Variants in TBC1D4 observed in about 807,000 individuals in gnomAD.
The protein encoded by TBC1D4 is TBC1 domain family member 4.
Under a neutral mutation model 142.5 loss-of-function variants are expected in TBC1D4, and 121 were observed. The ratio of observed to expected loss-of-function variants is 0.85; its 90% CI spans 0.73 to 0.99. The LOEUF is 0.99. Among genes scored for constraint, TBC1D4 ranks in the 50% least tolerant of loss-of-function variants. TBC1D4 has a pLI of 0.00. For synonymous variants in TBC1D4, 630 were observed against 628.2 expected, an observed-to-expected ratio of 1.00 and a Z score of -0.04; for missense variants, 1,475 against 1,606.6, an observed-to-expected ratio of 0.92 and a Z score of 1.40.
chr13:75,403,822 G>C (rs1406365872), intron 1 of TBC1D4, among the ~76,000 whole-genome samples: 1 of 152,104 alleles, frequency 6.6e-6, no homozygotes, highest in Non-Finnish European at 1.5e-5. Flanking sequence ...GCTCAAGTGG[G>C]ACAATTAATG....
rs369874464 is a variant in TBC1D4, at chr13:75,341,092, C to T, written c.1611+33G>A. ...AATTAACAAAATTATTAAACAACAACAAAAGTAGGTGAAGTAGGAAATATC... is the reference window on the plus strand; with the variant it reads ...AATTAACAAAATTATTAAACAACAATAAAAGTAGGTGAAGTAGGAAATATC... On this transcript the variant is annotated intron_variant, in intron 7 of 20. Transcript: ENST00000377636. The T allele has an allele frequency of 3.5e-5, 55 of 1,583,172 alleles. No individual in the cohort carries two copies. The Admixed American group carries it at 8.6e-4, about 25-fold the overall frequency.
intron 1 of TBC1D4, chr13:75,375,770 C>CG (rs1229488332): frequency 6.5e-5 from 8 of 123,534 alleles, no homozygotes; most frequent in East Asian, 2.1e-4. Context: ...TGCCCCACCC[C>CG]CCCCACACAC....
At chr13:75,430,315 A>G (rs985596027) in intron 1 of TBC1D4, among the ~76,000 whole-genome samples, 3 of 152,170 alleles carry the variant, frequency 2.0e-5, no homozygotes, top group Non-Finnish European at 4.4e-5. Flanking sequence ...GACAGCTTTT[A>G]CTCTGAAAAA....
chr13:75,421,886 A>G (rs373154235), intron 1 of TBC1D4, among the ~76,000 whole-genome samples: 1 of 106,522 alleles, frequency 9.4e-6, no homozygotes, highest in Non-Finnish European at 2.0e-5. Flanking sequence ...TATTTCATCA[A>G]ATGTTCCACA....
intron 1 of TBC1D4, among the ~76,000 whole-genome samples, chr13:75,445,621 A>T (rs186676368): frequency 6.6e-6 from 1 of 152,342 alleles, no homozygotes; most frequent in African/African-American, 2.4e-5. Context: ...TACTAGTTTC[A>T]TCTAATTTGT....
At chr13:75,301,952 G>A (rs1024970241) in intron 16 of TBC1D4, among the ~76,000 whole-genome samples, 3 of 152,156 alleles carry the variant, frequency 2.0e-5, no homozygotes, top group Admixed American at 6.5e-5. Flanking sequence ...TGTTCAAAAT[G>A]CAGTAACTGA....
At chr13:75,308,800 T>C (rs1406621380) in intron 14 of TBC1D4, among the ~76,000 whole-genome samples, 2 of 152,192 alleles carry the variant, frequency 1.3e-5, no homozygotes, top group Non-Finnish European at 2.9e-5. Flanking sequence ...TAACGACAAG[T>C]AATAGCATTT....
chr13:75,306,314 T>A lies in TBC1D4; in HGVS notation c.2751A>T (p.Glu917Asp). Residue 917 changes from glutamate (E) to aspartate (D), a missense_variant and splice_region_variant, in exon 15 of 21, where the codon GAA (glutamate) becomes GAT (aspartate). Glu to Asp is a conservative substitution (Grantham distance 45, BLOSUM62 2). Around this residue, in one of 2 missense-constraint regions of TBC1D4, gnomAD observed 1,227 missense variants for 1,267.7 expected, o/e 0.97. Transcript: ENST00000377636. ...DMEDIHTLLK[E>D]GVPKSRRGEI... is the part of the protein sequence containing the mutation. Reference sequence around the variant, plus strand: ...AATTACTGAGATTATCCCAAATACCTTCTTTAAGAAGAGTATGAATATCTT... The same window carrying A: ...AATTACTGAGATTATCCCAAATACCATCTTTAAGAAGAGTATGAATATCTT... 1 of 1,608,252 alleles carries A rather than the reference T, an allele frequency of 6.2e-7. No individual in the cohort carries two copies.
chr13:75,355,157 A>G (rs1326062486), intron 4 of TBC1D4, among the ~76,000 whole-genome samples: 2 of 152,204 alleles, frequency 1.3e-5, no homozygotes, highest in East Asian at 3.9e-4. Flanking sequence ...TCGGGCAGGG[A>G]TAATTGTGAT....
intron 13 of TBC1D4, among the ~76,000 whole-genome samples, chr13:75,312,416 G>GAAAAAAAAAAAAAAA (rs762306467): frequency 1.6e-5 from 2 of 125,756 alleles, no homozygotes; most frequent in African/African-American, 5.7e-5. Flanking sequence ...CAATCTCTGG[G>GAAAAAAAAAAAAAAA]AAAAAAAAAA....
chr13:75,422,453 C>T (rs1165049923), intron 1 of TBC1D4, among the ~76,000 whole-genome samples: 2 of 152,054 alleles, frequency 1.3e-5, no homozygotes, highest in African/African-American at 2.4e-5. Flanking sequence ...AGCAAAAAGT[C>T]GTTAACTATG....
intron 1 of TBC1D4, among the ~76,000 whole-genome samples, chr13:75,402,945 A>C (rs1233283744): frequency 6.6e-6 from 1 of 152,222 alleles, no homozygotes; most frequent in Non-Finnish European, 1.5e-5. Context: ...AATCAGAGGA[A>C]GCTGTGAAGC....
intron 1 of TBC1D4, among the ~76,000 whole-genome samples, chr13:75,369,708 A>G (rs977083098): frequency 6.6e-6 from 1 of 152,220 alleles, no homozygotes; most frequent in Admixed American, 6.5e-5. Context: ...CACAATGTTT[A>G]TCTGAAAGGC....
chr13:75,441,032 G>C (rs1410592780), intron 1 of TBC1D4, among the ~76,000 whole-genome samples: 1 of 152,128 alleles, frequency 6.6e-6, no homozygotes, highest in Non-Finnish European at 1.5e-5. Flanking sequence ...CAAGGCAGGT[G>C]GATCATGAGG....
At chr13:75,358,449 A>G (rs752405523) in intron 3 of TBC1D4, among the ~76,000 whole-genome samples, 3 of 152,206 alleles carry the variant, frequency 2.0e-5, no homozygotes, top group Non-Finnish European at 4.4e-5. Flanking sequence ...ATCAGAGTAG[A>G]AAATTTTTAT....
chr13:75,323,801 A>G (rs1374305687), intron 11 of TBC1D4, among the ~76,000 whole-genome samples: 2 of 152,176 alleles, frequency 1.3e-5, no homozygotes, highest in Non-Finnish European at 2.9e-5. Flanking sequence ...ACTTAAAAAT[A>G]AAGACATTAT....
intron 11 of TBC1D4, among the ~76,000 whole-genome samples, chr13:75,323,019 T>C (rs1206213065): frequency 6.6e-6 from 1 of 152,152 alleles, no homozygotes; most frequent in Non-Finnish European, 1.5e-5. Context: ...TAGTTATCTT[T>C]TCTTAAAGTG....
intron 11 of TBC1D4, among the ~76,000 whole-genome samples, chr13:75,322,816 T>C (rs11619757): frequency 0.014 from 2,136 of 152,296 alleles, 30 homozygotes; most frequent in South Asian, 0.06. Flanking sequence ...CTAAATTAGT[T>C]TCATATTCTA....
At chr13:75,399,601 A>C (rs1884978332) in intron 1 of TBC1D4, among the ~76,000 whole-genome samples, 2 of 152,188 alleles carry the variant, frequency 1.3e-5, no homozygotes, top group African/African-American at 2.4e-5. Flanking sequence ...TGATGCTATA[A>C]TGAGCTGAGA....
Sources: gnomAD v4.1 joint callset for allele counts (sites outside exome capture counted in the v4.1 genomes callset) on GRCh38, gnomAD v4.1.1 for gene constraint, gnomAD v4.1.1 regional missense constraint, MANE v1.5 for transcripts, NCBI Gene and HGNC (gene_info 2026-07-23, HGNC 2026-07-21) for gene names.